PRTFDC1: variants seen among roughly 807,000 people sequenced by gnomAD.
PRTFDC1 encodes phosphoribosyltransferase domain-containing protein 1.
A neutral mutation model predicts 34.6 loss-of-function variants in PRTFDC1; 38 were observed. The ratio of observed to expected loss-of-function variants is 1.10; its 90% CI spans 0.85 to 1.44. The LOEUF (loss-of-function observed/expected upper bound fraction) is 1.44. PRTFDC1 is among the 40% of genes most tolerant of loss of function. The pLI, the probability that PRTFDC1 is intolerant of heterozygous loss-of-function variation, is 0.00. For missense variants in PRTFDC1, 270 were observed against 283.0 expected (o/e 0.95, Z 0.33); for synonymous variants, 93 against 98.1 (o/e 0.95, Z 0.31).
intron 4 of PRTFDC1, among the ~76,000 whole-genome samples, chr10:24,870,109 A>G (rs1392620445): frequency 6.6e-6 from 1 of 152,020 alleles, no homozygotes; most frequent in African/African-American, 2.4e-5. Flanking sequence ...TATACAGATT[A>G]TTATTATTAT....
chr10:24,849,671 C>T lies in PRTFDC1; in HGVS notation c.*173G>A, dbSNP rs1369372110. The T allele has an allele frequency of 3.4e-6, 2 of 583,874 alleles. No individual in the cohort carries two copies. Among genetic ancestry groups the T allele is most frequent in the Admixed American group, 3.2e-5 (1 of 31,704 alleles). The allele number at this position is 583,874 out of a possible 1,614,324, so 36.2% of individuals were successfully genotyped here. A position where few individuals can be genotyped will look rare whatever the true frequency, so the allele number is the denominator to read the frequency against. ...GCACTGCTTTCTTTTCCTTAGGAAC[C>T]TTTGATACTCTTTATATTAACCTCA... is the stretch of plus-strand genomic sequence containing the variant. On this transcript the variant is annotated 3_prime_UTR_variant, in exon 9 of 9. Transcript: ENST00000320152.
chr10:24,855,236 A>G, intron 7 of PRTFDC1, 82 bp downstream of exon 7: 1 of 1,411,366 alleles, frequency 7.1e-7, no homozygotes, highest in Non-Finnish European at 9.9e-7. Context: ...CAAATAGGAA[A>G]CCAAAGATTC....
At chr10:24,895,715 A>C (rs1380905044) in intron 3 of PRTFDC1, among the ~76,000 whole-genome samples, 1 of 139,122 alleles carries the variant, frequency 7.2e-6, no homozygotes. Context: ...ATATATATAT[A>C]TATATATATA....
intron 4 of PRTFDC1, among the ~76,000 whole-genome samples, chr10:24,865,166 C>T (rs1847754474): frequency 6.6e-6 from 1 of 152,034 alleles, no homozygotes; most frequent in Non-Finnish European, 1.5e-5. Flanking sequence ...TGGAGACTGG[C>T]ATCTAGTAGG....
chr10:24,851,608 C>T lies in PRTFDC1; in HGVS notation c.554-144G>A, dbSNP rs1292787640. ...AGTGAGAAATGGTGAGAAATGCACA[C>T]GATGAGCCCAAGAGGGACCTGGACC... On this transcript the variant is annotated intron_variant, in intron 7 of 8. Coordinates refer to ENST00000320152, the MANE Select transcript of PRTFDC1 (RefSeq NM_020200.7). 1.6e-5 allele frequency: 21 copies of T among 1,346,178 alleles called. No homozygotes were observed. In the East Asian group the frequency reaches 3.2e-4, roughly 21 times the overall value. The allele number at this position is 1,346,178 out of a possible 1,614,324, so 83.4% of individuals were successfully genotyped here.
At chr10:24,886,467 A>G (rs963654847) in intron 3 of PRTFDC1, among the ~76,000 whole-genome samples, 3 of 152,132 alleles carry the variant, frequency 2.0e-5, no homozygotes, top group African/African-American at 7.2e-5. Context: ...CACCTGACCA[A>G]CAGGTTCGGC....
At chr10:24,859,202 T>G (rs775238586) in intron 4 of PRTFDC1, among the ~76,000 whole-genome samples, 1 of 152,166 alleles carries the variant, frequency 6.6e-6, no homozygotes, top group Non-Finnish European at 1.5e-5. Flanking sequence ...CACCTCCCCC[T>G]CTTTCTCTTG....
intron 4 of PRTFDC1, among the ~76,000 whole-genome samples, chr10:24,869,183 G>A (rs755287786): frequency 2.0e-5 from 3 of 151,642 alleles, no homozygotes; most frequent in African/African-American, 4.8e-5. Context: ...AATGAAGAAT[G>A]AGTGAACAGC....
chr10:24,863,143 G>A (rs1847710775), intron 4 of PRTFDC1, among the ~76,000 whole-genome samples: 1 of 152,202 alleles, frequency 6.6e-6, no homozygotes, highest in African/African-American at 2.4e-5. Flanking sequence ...CTCCCAAAGT[G>A]CTGGGATTAG....
intron 4 of PRTFDC1, among the ~76,000 whole-genome samples, chr10:24,861,230 G>A (rs1293099184): frequency 4.6e-5 from 7 of 152,164 alleles, no homozygotes; most frequent in South Asian, 2.1e-4. Flanking sequence ...GCCAGGCGCC[G>A]TGGCTCACAC....
At chr10:24,908,485 C>A in intron 3 of PRTFDC1, 1 of 1,610,282 alleles carries the variant, frequency 6.2e-7, no homozygotes, top group Non-Finnish European at 8.5e-7. Flanking sequence ...CTACTGTACA[C>A]CTCACTGGAT....
intron 3 of PRTFDC1, among the ~76,000 whole-genome samples, chr10:24,894,463 T>G (rs1455797958): frequency 6.6e-6 from 1 of 151,928 alleles, no homozygotes; most frequent in Non-Finnish European, 1.5e-5. Flanking sequence ...CCACTGACCA[T>G]CACCAGCAGG....
Position 24,952,587 on chromosome 10 carries a change from G to T in PRTFDC1, c.-12C>A. On this transcript the variant is annotated 5_prime_UTR_variant, in exon 1 of 9. Transcript: ENST00000320152. This position sits in a 1 kb window ranked among gnomAD's most constrained non-coding sequence, Gnocchi z 5.1. The stretch of plus-strand genomic sequence containing the variant: ...CTGCTCCCGGCCATGTTTCTCCCGG[G>T]GAACGCGGGAAGGGAAGACGGCGCG... The T allele has an allele frequency of 6.3e-7, 1 of 1,580,644 alleles. No homozygotes were observed. Among genetic ancestry groups the T allele is most frequent in the South Asian group, 1.2e-5 (1 of 86,572 alleles).
intron 3 of PRTFDC1, among the ~76,000 whole-genome samples, chr10:24,876,427 G>A (rs1400013797): frequency 6.6e-6 from 1 of 152,106 alleles, no homozygotes; most frequent in Non-Finnish European, 1.5e-5. Flanking sequence ...CAAGGGCGGT[G>A]GCTCACAACT....
At chr10:24,903,917 G>A (rs1848490396) in intron 3 of PRTFDC1, among the ~76,000 whole-genome samples, 1 of 151,640 alleles carries the variant, frequency 6.6e-6, no homozygotes, top group South Asian at 2.1e-4. Context: ...TCAAACTTCT[G>A]GGCTCAAGTG....
intron 1 of PRTFDC1, among the ~76,000 whole-genome samples, chr10:24,948,092 T>C (rs1269195320): frequency 6.6e-6 from 1 of 152,178 alleles, no homozygotes; most frequent in East Asian, 1.9e-4. Context: ...TTCGATGGAT[T>C]ACTTATCTCT....
chr10:24,875,264 GA>G (rs1322805484), intron 3 of PRTFDC1, among the ~76,000 whole-genome samples: 3 of 152,162 alleles, frequency 2.0e-5, no homozygotes, highest in Admixed American at 1.3e-4. Context: ...CTTGTGTTGA[GA>G]ACATTTAAAT....
intron 1 of PRTFDC1, 37 bp from the exon 2 acceptor site, chr10:24,942,473 A>C (rs1301837365): frequency 6.5e-7 from 1 of 1,529,152 alleles, no homozygotes; most frequent in South Asian, 1.1e-5. Context: ...GTATTTTTTC[A>C]TCAGAAATTT....
intron 3 of PRTFDC1, among the ~76,000 whole-genome samples, chr10:24,876,319 A>G (rs553490177): frequency 9.2e-5 from 14 of 152,246 alleles, no homozygotes; most frequent in Admixed American, 7.9e-4. Context: ...AGATTAACTG[A>G]ATTAATGCAT....
Sources: gnomAD v4.1 joint callset for allele counts (sites outside exome capture counted in the v4.1 genomes callset) on GRCh38, gnomAD v4.1.1 for gene constraint, Gnocchi (gnomAD v3.1) non-coding constraint, MANE v1.5 for transcripts, NCBI Gene and HGNC (gene_info 2026-07-23, HGNC 2026-07-21) for gene names.